Variants in SEM1 observed in about 807,000 individuals in gnomAD.
SEM1 encodes the protein SEM1 26S proteasome subunit, also known as 26S proteasome complex subunit SEM1.
A neutral mutation model predicts 12.7 loss-of-function variants in SEM1; 3 were observed. That is an observed-to-expected ratio of 0.24 (90% confidence interval 0.11 to 0.61). The LOEUF (loss-of-function observed/expected upper bound fraction) is 0.61. Among genes scored for constraint, SEM1 ranks in the 20% least tolerant of loss-of-function variants. The probability of loss-of-function intolerance (pLI) is 0.88; values close to 1 mark genes in which losing one functional copy is unlikely to be tolerated. For synonymous variants in SEM1, 30 were observed against 27.8 expected (o/e 1.08, Z -0.25); for missense variants, 59 against 81.3 (o/e 0.73, Z 1.06).
At chr7:96,545,157 G>T (rs549675958) in intron 2 of SEM1, among the ~76,000 whole-genome samples, 2 of 152,056 alleles carry the variant, frequency 1.3e-5, no homozygotes, top group East Asian at 1.9e-4. Context: ...TCCACTCATG[G>T]TATTTGGGGC....
chr7:96,585,601 G>C (rs1806595654), intron 2 of SEM1, among the ~76,000 whole-genome samples: 1 of 152,232 alleles, frequency 6.6e-6, no homozygotes, highest in South Asian at 2.1e-4. Context: ...TCAGACTGCT[G>C]TGCTAGCAAT....
chr7:96,635,052 A>C (rs73392877), intron 2 of SEM1, among the ~76,000 whole-genome samples: 3,262 of 152,222 alleles, frequency 0.021, 84 homozygotes, highest in African/African-American at 0.075. Context: ...GGGAAAGATG[A>C]AAGTGACCAG....
At chr7:96,547,797 GTACACA>G (rs1191566035) in intron 2 of SEM1, among the ~76,000 whole-genome samples, 1 of 152,056 alleles carries the variant, frequency 6.6e-6, no homozygotes, top group African/African-American at 2.4e-5. Context: ...GATCTTCCCT[GTACACA>G]GGATTCTTGC....
chr7:96,554,894 A>G (rs1388810450), intron 2 of SEM1, among the ~76,000 whole-genome samples: 2 of 146,560 alleles, frequency 1.4e-5, no homozygotes, highest in African/African-American at 5.0e-5. Flanking sequence ...TGGTCTATTC[A>G]GAGATTCAAC....
At chr7:96,545,605 T>G (rs1805081813) in intron 2 of SEM1, among the ~76,000 whole-genome samples, 1 of 152,102 alleles carries the variant, frequency 6.6e-6, no homozygotes, top group Non-Finnish European at 1.5e-5. Flanking sequence ...GCAAATACGT[T>G]TATTCCTTAG....
chr7:96,654,494 A>G (rs1380550070), intron 2 of SEM1, among the ~76,000 whole-genome samples: 2 of 152,194 alleles, frequency 1.3e-5, no homozygotes, highest in African/African-American at 2.4e-5. Flanking sequence ...GATCTTTTCT[A>G]GAGCTAGCAA....
chr7:96,656,770 A>G (rs1809193891), intron 2 of SEM1, among the ~76,000 whole-genome samples: 1 of 151,996 alleles, frequency 6.6e-6, no homozygotes, highest in Non-Finnish European at 1.5e-5. Context: ...GCCACGGGCT[A>G]GTAGTTTTAG....
At chr7:96,585,155 T>C (rs531621129) in intron 2 of SEM1, among the ~76,000 whole-genome samples, 27 of 152,336 alleles carry the variant, frequency 1.8e-4, no homozygotes, top group African/African-American at 6.3e-4. Context: ...TTGGTGTGGA[T>C]ATCCTTTCTG....
chr7:96,638,318 C>T (rs549591593), intron 2 of SEM1, among the ~76,000 whole-genome samples: 3 of 152,032 alleles, frequency 2.0e-5, no homozygotes, highest in African/African-American at 7.2e-5. Context: ...TTCTAGGGCA[C>T]AAAATAATCT....
At chr7:96,532,418 T>A (rs564706781) in intron 2 of SEM1, among the ~76,000 whole-genome samples, 2 of 152,274 alleles carry the variant, frequency 1.3e-5, no homozygotes, top group African/African-American at 4.8e-5. Context: ...TGAGGTTGTC[T>A]TCATGGAGCA....
At chr7:96,576,293 G>A (rs1181704388) in intron 2 of SEM1, among the ~76,000 whole-genome samples, 2 of 152,174 alleles carry the variant, frequency 1.3e-5, no homozygotes, top group East Asian at 1.9e-4. Context: ...ATTTTCCTAG[G>A]TGAGTCCATA....
At chr7:96,667,872 T>C (rs1789212178) in intron 2 of SEM1, among the ~76,000 whole-genome samples, 1 of 152,214 alleles carries the variant, frequency 6.6e-6, no homozygotes, top group Non-Finnish European at 1.5e-5. Context: ...ATTTCCCATC[T>C]CCTCTTCCTG....
At chr7:96,694,965 T>C (rs1300633045) in intron 1 of SEM1, 74 bp from the exon 2 acceptor site, 2 of 1,089,598 alleles carry the variant, frequency 1.8e-6, no homozygotes, top group Admixed American at 3.6e-5. Context: ...TTTGAAAAGC[T>C]TGCTACTGAA....
chr7:96,607,621 C>CT (rs397704273), intron 2 of SEM1, among the ~76,000 whole-genome samples: 3 of 151,708 alleles, frequency 2.0e-5, no homozygotes, highest in African/African-American at 7.3e-5. Context: ...CCAGCCACCC[C>CT]ACCTCATGTA....
At chr7:96,590,351 A>G (rs76383562) in intron 2 of SEM1, among the ~76,000 whole-genome samples, 6,327 of 152,268 alleles carry the variant, frequency 0.042, 345 homozygotes, top group Admixed American at 0.14. Context: ...TCAGCTAGGC[A>G]TGTTGTATTT....
chr7:96,640,306 A>C lies in SEM1; in HGVS notation c.171-17663T>G, dbSNP rs1808552461. ...TTGCAGGCTTATTCATAATTTTGCA[A>C]ATATTTGGAAACAGCTAAGACATCC... On this transcript the variant is annotated intron_variant, in intron 2 of 2. Transcript: ENST00000417009. This position sits in a 1 kb window ranked among gnomAD's most constrained non-coding sequence, Gnocchi z 4.0. 6.6e-6 allele frequency among the ~76,000 whole-genome samples: 1 copy of C among 152,030 alleles called. No individual in the cohort carries two copies. Among genetic ancestry groups the C allele is most frequent in the African/African-American group, 2.4e-5 (1 of 41,430 alleles).
At chr7:96,495,266 A>G (rs1251664822) in intron 1 of SEM1, among the ~76,000 whole-genome samples, 1 of 152,172 alleles carries the variant, frequency 6.6e-6, no homozygotes, top group African/African-American at 2.4e-5. Context: ...ATTTAGATAG[A>G]CTTTTTCACA....
chr7:96,549,900 C>G (rs562490394), intron 2 of SEM1, among the ~76,000 whole-genome samples: 1 of 151,938 alleles, frequency 6.6e-6, no homozygotes, highest in Non-Finnish European at 1.5e-5. Flanking sequence ...AATAGCATTT[C>G]GGCTATGTAA....
chr7:96,651,433 T>C (rs1192240590), intron 2 of SEM1, among the ~76,000 whole-genome samples: 2 of 150,112 alleles, frequency 1.3e-5, no homozygotes, highest in Admixed American at 1.3e-4. Flanking sequence ...AAAAAAAAAA[T>C]CCAAAGGCAG....
Sources: allele counts gnomAD v4.1 joint callset (sites outside exome capture counted in the v4.1 genomes callset), GRCh38; gene constraint gnomAD v4.1.1; non-coding constraint Gnocchi (gnomAD v3.1); transcripts MANE v1.5; gene names NCBI Gene and HGNC (gene_info 2026-07-23, HGNC 2026-07-21).